The following NPNT variants were observed in gnomAD, a reference collection of about 807,000 sequenced individuals.
NPNT encodes preosteoblast EGF-like repeat protein with MAM domain.
Under a neutral mutation model 68.6 loss-of-function variants are expected in NPNT, and 45 were observed. That is an observed-to-expected ratio of 0.66 (90% CI 0.52 to 0.84). The LOEUF (loss-of-function observed/expected upper bound fraction) is 0.84. NPNT is among the 40% of genes least tolerant of loss of function. The probability of loss-of-function intolerance (pLI) is 0.00; values close to 1 mark genes in which losing one functional copy is unlikely to be tolerated. For missense variants in NPNT, 672 were observed against 714.8 expected, an observed-to-expected ratio of 0.94 and a Z score of 0.68; for synonymous variants, 233 against 253.3, an observed-to-expected ratio of 0.92 and a Z score of 0.76.
At position 105,956,714 on chromosome 4, in the gene NPNT, A is replaced by G. The variant is rs150839740; in HGVS notation, c.1160-1757A>G. ...AGGCACTCCCCGTCTCAGAGCACCAAATAAGGAAAGTGTAATTGGATGTCA... is the reference window on the plus strand; with the variant it reads ...AGGCACTCCCCGTCTCAGAGCACCAGATAAGGAAAGTGTAATTGGATGTCA... On this transcript the variant is annotated intron_variant, in intron 8 of 11. Coordinates refer to ENST00000379987, the MANE Select transcript of NPNT (RefSeq NM_001033047.3). 9.0e-3 allele frequency among the ~76,000 whole-genome samples: 1,365 copies of G among 152,246 alleles called. 26 individuals are homozygous for G. Among genetic ancestry groups the G allele is most frequent in the African/African-American group, 0.031 (1,296 of 41,550 alleles).
intron 2 of NPNT, chr4:105,912,520 A>G (rs190917987): frequency 3.2e-6 from 2 of 627,430 alleles, no homozygotes; most frequent in Non-Finnish European, 4.2e-6. Flanking sequence ...GCTAAAGGAC[A>G]GTTTATGTTT....
chr4:105,903,935 C>G (rs1008356283), intron 2 of NPNT, among the ~76,000 whole-genome samples: 2 of 151,958 alleles, frequency 1.3e-5, no homozygotes, highest in Non-Finnish European at 2.9e-5. Flanking sequence ...CAGGTGTGAG[C>G]GACCACACCT....
rs1441536394 is a variant in NPNT, at chr4:105,938,429, T to TA, written c.505+13dup. The TA allele has an allele frequency of 6.2e-7, 1 of 1,611,444 alleles. No individual in the cohort carries two copies. Among genetic ancestry groups the TA allele is most frequent in the African/African-American group, 1.3e-5 (1 of 74,744 alleles). On this transcript the variant is annotated intron_variant, in intron 5 of 11. Transcript: ENST00000379987. ...TGGGAGGACCTGTGTAGGTGAGTTGTAAAATCAAGCATCTCTGTCAGCAGC... is the reference window on the plus strand; with the variant it reads ...TGGGAGGACCTGTGTAGGTGAGTTGTAAAAATCAAGCATCTCTGTCAGCAGC...
chr4:105,965,194 A>C (rs1732019579), intron 10 of NPNT, among the ~76,000 whole-genome samples: 1 of 152,176 alleles, frequency 6.6e-6, no homozygotes, highest in Non-Finnish European at 1.5e-5. Flanking sequence ...TGATACTGTA[A>C]ACTGAATGAA....
chr4:105,920,395 T>TAAAA (rs11355483), intron 2 of NPNT, among the ~76,000 whole-genome samples: 4,146 of 79,350 alleles, frequency 0.052, 156 homozygotes, highest in African/African-American at 0.1. Context: ...GTTACTCTAC[T>TAAAA]AAAAAAAAAA....
chr4:105,912,302 A>G, intron 2 of NPNT: 1 of 1,076,154 alleles, frequency 9.3e-7, no homozygotes, highest in Non-Finnish European at 1.3e-6. Flanking sequence ...CATACCTTCT[A>G]AATAATTTTA....
chr4:105,938,388 T>C lies in NPNT; in HGVS notation c.473T>C (p.Leu158Pro), dbSNP rs1410051089. 1.2e-6 allele frequency: 2 copies of C among 1,613,628 alleles called. No individual in the cohort carries two copies. Among genetic ancestry groups the C allele is most frequent in the Non-Finnish European group, 1.7e-6 (2 of 1,179,674 alleles). The change falls in exon 5 of 12, where the codon CTG becomes CCG. Residue 158 changes from leucine (L) to proline (P), a missense_variant. Leu to Pro is a moderately conservative substitution (Grantham distance 98). Transcript: ENST00000379987. ...CGGTGCCAGTGCCCATCCCCTGGCC[T>C]GCAGCTGGCTCCTGATGGGAGGACC... Reference protein sequence around the residue: ...QIRCQCPSPGLQLAPDGRTCV... With the variant: ...QIRCQCPSPGPQLAPDGRTCV...
intron 8 of NPNT, among the ~76,000 whole-genome samples, chr4:105,951,415 C>T (rs961962202): frequency 2.0e-5 from 3 of 152,124 alleles, no homozygotes; most frequent in African/African-American, 7.2e-5. Flanking sequence ...TGAGGTTTTT[C>T]CCCTCATCTC....
chr4:105,964,460 T>C (rs1185818484), intron 10 of NPNT, among the ~76,000 whole-genome samples: 1 of 152,258 alleles, frequency 6.6e-6, no homozygotes. Flanking sequence ...TGAATTTTGA[T>C]AGATTTTATT....
chr4:105,903,661 A>T (rs1415197867), intron 2 of NPNT, among the ~76,000 whole-genome samples: 1 of 152,138 alleles, frequency 6.6e-6, no homozygotes, highest in East Asian at 1.9e-4. Context: ...AAATTGCAAT[A>T]GATCTCTCCC....
intron 8 of NPNT, among the ~76,000 whole-genome samples, chr4:105,954,920 A>G (rs987559734): frequency 6.6e-6 from 1 of 152,210 alleles, no homozygotes; most frequent in Non-Finnish European, 1.5e-5. Flanking sequence ...TCTAGAATGT[A>G]GATCCCATGA....
intron 8 of NPNT, among the ~76,000 whole-genome samples, chr4:105,945,152 A>T (rs946398887): frequency 1.4e-5 from 2 of 146,046 alleles, no homozygotes; most frequent in African/African-American, 5.0e-5. Context: ...GATATTTTTA[A>T]ATTGATTTTT....
intron 2 of NPNT, among the ~76,000 whole-genome samples, chr4:105,921,937 G>C (rs1264705332): frequency 1.3e-5 from 2 of 152,088 alleles, no homozygotes; most frequent in East Asian, 3.8e-4. Flanking sequence ...ATATCTATTT[G>C]TTCTTCTGCC....
chr4:105,964,989 T>TA (rs1732006136), intron 10 of NPNT, among the ~76,000 whole-genome samples: 1 of 152,220 alleles, frequency 6.6e-6, no homozygotes, highest in Non-Finnish European at 1.5e-5. Context: ...TGCATTTATG[T>TA]GAATGTATTA....
At chr4:105,901,189 A>G (rs1201102853) in intron 2 of NPNT, among the ~76,000 whole-genome samples, 1 of 152,160 alleles carries the variant, frequency 6.6e-6, no homozygotes, top group East Asian at 1.9e-4. Context: ...TGCATATTTC[A>G]TCTTTAAAAG....
intron 2 of NPNT, among the ~76,000 whole-genome samples, chr4:105,899,484 A>G (rs1364959661): frequency 6.6e-6 from 1 of 152,184 alleles, no homozygotes; most frequent in Non-Finnish European, 1.5e-5. Context: ...TAGACTAACC[A>G]GTGAGTGTAC....
chr4:105,969,197 C>T lies in NPNT; in HGVS notation c.*207C>T, dbSNP rs11733075. 5 of 446,456 alleles carry T rather than the reference C, an allele frequency of 1.1e-5. No individual in the cohort carries two copies. Among genetic ancestry groups the T allele is most frequent in the South Asian group, 4.6e-5 (1 of 21,860 alleles). 27.7% of individuals were successfully genotyped at this position (446,456 alleles called of 1,614,324 possible). On this transcript the variant is annotated 3_prime_UTR_variant, in exon 12 of 12. Coordinates refer to ENST00000379987, the MANE Select transcript of NPNT (RefSeq NM_001033047.3). Reference sequence around the variant, plus strand: ...TACCCTCCTTGAAATACAGGGGCATCGCAGACACATCAAAGCCATCTGTGG... The same window carrying T: ...TACCCTCCTTGAAATACAGGGGCATTGCAGACACATCAAAGCCATCTGTGG...
At position 105,966,819 on chromosome 4, in the gene NPNT, C is replaced by T. The variant is rs550414633; in HGVS notation, c.1346-369C>T. Among the ~76,000 whole-genome samples, 54 of 152,232 alleles carry T rather than the reference C, an allele frequency of 3.5e-4. 1 individual carries two copies. The South Asian group carries it at 0.01, about 29-fold the overall frequency. On this transcript the variant is annotated intron_variant, in intron 10 of 11. Coordinates refer to ENST00000379987, the MANE Select transcript of NPNT (RefSeq NM_001033047.3). ...GTTTTACCAAACCACCAAGCCAGAT[C>T]GCCAGGGGTGTTGGACAACGTTATC...
At chr4:105,955,226 C>A (rs879018374) in intron 8 of NPNT, among the ~76,000 whole-genome samples, 1 of 152,128 alleles carries the variant, frequency 6.6e-6, no homozygotes, top group Admixed American at 6.5e-5. Context: ...GCCAAAGTAT[C>A]AAGCAGGGAA....
Sources: allele counts gnomAD v4.1 joint callset (sites outside exome capture counted in the v4.1 genomes callset), GRCh38; gene constraint gnomAD v4.1.1; transcripts MANE v1.5; gene names NCBI Gene and HGNC (gene_info 2026-07-23, HGNC 2026-07-21).